LRCH3: variants seen among roughly 807,000 people sequenced by gnomAD.
LRCH3 encodes the protein DISP complex protein LRCH3.
LRCH3 carries 68 observed loss-of-function variants against 104.5 expected under a neutral mutation model. That is an observed-to-expected ratio of 0.65 (90% CI 0.54 to 0.80). The LOEUF (loss-of-function observed/expected upper bound fraction) is 0.80. Among genes scored for constraint, LRCH3 ranks in the 30% least tolerant of loss-of-function variants. LRCH3 has a pLI of 0.00. For synonymous variants in LRCH3, 344 were observed against 361.3 expected (o/e 0.95, Z 0.54); for missense variants, 951 against 953.9 (o/e 1.00, Z 0.04).
At chr3:197,830,344 G>A (rs1337861613) in intron 6 of LRCH3, among the ~76,000 whole-genome samples, 3 of 152,164 alleles carry the variant, frequency 2.0e-5, no homozygotes, top group African/African-American at 7.2e-5. Context: ...AGCCTCCTGA[G>A]TATGGAGCAG....
chr3:197,862,188 A>AT (rs1740963141), intron 15 of LRCH3, among the ~76,000 whole-genome samples: 1 of 151,904 alleles, frequency 6.6e-6, no homozygotes, highest in African/African-American at 2.4e-5. Context: ...TAGAGATGGG[A>AT]TTTTACCGTG....
In LRCH3 at chr3:197,884,785, T is replaced by C. The variant is rs1441798911; in HGVS notation, c.*1119T>C. The C allele has an allele frequency of 6.6e-6, 1 of 151,054 alleles. No homozygotes were observed. The highest frequency in any genetic ancestry group is 2.5e-5 in the African/African-American group (1 of 40,460). The allele number at this position is 151,054 out of a possible 1,614,324, so 9.4% of individuals were successfully genotyped here. On this transcript the variant is annotated 3_prime_UTR_variant, in exon 21 of 21. Coordinates refer to ENST00000425562, the MANE Select transcript of LRCH3 (RefSeq NM_001365715.1). ...AGAAGGCCTAGGTTTTGCATAGTCT[T>C]CTTTTTTTTAAGAGTTGGGGTCTTG...
chr3:197,812,082 C>T (rs1382307462), intron 1 of LRCH3, among the ~76,000 whole-genome samples: 9 of 152,108 alleles, frequency 5.9e-5, no homozygotes, highest in Admixed American at 3.3e-4. Context: ...GTATTAAGTA[C>T]CTTCATACTG....
At chr3:197,844,735 A>G (rs996087445) in intron 10 of LRCH3, among the ~76,000 whole-genome samples, 1 of 151,948 alleles carries the variant, frequency 6.6e-6, no homozygotes, top group Non-Finnish European at 1.5e-5. Context: ...CCCCTGCCTC[A>G]GCCTTCTGAG....
intron 5 of LRCH3, among the ~76,000 whole-genome samples, chr3:197,828,384 T>C (rs914605653): frequency 1.3e-5 from 2 of 151,958 alleles, no homozygotes; most frequent in African/African-American, 4.8e-5. Context: ...CTCGCTCTGT[T>C]GCCCAGGCTG....
intron 1 of LRCH3, among the ~76,000 whole-genome samples, chr3:197,792,577 T>TTTTATATATATA (rs1553912028): frequency 4.9e-5 from 1 of 20,330 alleles, no homozygotes; most frequent in African/African-American, 1.2e-4. Context: ...CCAGCTAATT[T>TTTTATATATATA]TATATATATA....
intron 14 of LRCH3, among the ~76,000 whole-genome samples, chr3:197,857,059 T>C (rs1268560040): frequency 6.6e-6 from 1 of 152,200 alleles, no homozygotes; most frequent in Non-Finnish European, 1.5e-5. Context: ...TGACATTCTC[T>C]TCGGGCTACC....
At chr3:197,858,813 T>G in intron 14 of LRCH3, 21 bp from the exon 15 acceptor site, 1 of 1,604,624 alleles carries the variant, frequency 6.2e-7, no homozygotes, top group Admixed American at 1.7e-5. Context: ...CTGTTTCTTC[T>G]CTTTCTCATT....
intron 1 of LRCH3, among the ~76,000 whole-genome samples, chr3:197,809,239 A>G (rs1248563495): frequency 6.6e-6 from 1 of 151,922 alleles, no homozygotes; most frequent in Non-Finnish European, 1.5e-5. Context: ...TAGAGGTTGC[A>G]GTGAGCCATG....
chr3:197,791,336 G>A lies in LRCH3; in HGVS notation c.58G>A (p.Ala20Thr). 1 of 1,608,904 alleles carries A rather than the reference G, an allele frequency of 6.2e-7. No homozygotes were observed. Residue 20 changes from alanine to threonine, a missense_variant, in exon 1 of 21, where the codon GCG becomes ACG. Transcript: ENST00000425562. ...GGCTGCCGAGTACTCTGGCACGGTAGCGTCGGGAGGTAACCTCCCTGGTGT... is the reference window on the plus strand; with the variant it reads ...GGCTGCCGAGTACTCTGGCACGGTAACGTCGGGAGGTAACCTCCCTGGTGT... Reference protein sequence around the residue: ...AAAAEYSGTVASGGNLPGVHC... With the variant: ...AAAAEYSGTVTSGGNLPGVHC...
intron 8 of LRCH3, 87 bp downstream of exon 8, chr3:197,832,404 TG>T: frequency 7.1e-7 from 1 of 1,398,866 alleles, no homozygotes; most frequent in Non-Finnish European, 9.9e-7. Context: ...CTTTTGTTGG[TG>T]TATCTATAGC....
rs1714255939 is a variant in LRCH3, at chr3:197,887,069, T to TA, written c.*3403_*3404insA. 1 of 152,230 alleles carries TA rather than the reference T, an allele frequency of 6.6e-6. No individual in the cohort carries two copies. The highest frequency in any genetic ancestry group is 6.5e-5 in the Admixed American group (1 of 15,284). The allele number at this position is 152,230 out of a possible 1,614,324, so 9.4% of individuals were successfully genotyped here. On this transcript the variant is annotated 3_prime_UTR_variant, in exon 21 of 21. Transcript: ENST00000425562. ...TGATAATTGAAGGAAAAATATCAAA[T>TA]GCTTTGAATTTTTTTTCTCTTTTTT...
rs1740233954 is a variant in LRCH3 at position 197,856,252 on chromosome 3, TTAAA to T, written c.1644+1812_1644+1815del. On this transcript the variant is annotated intron_variant, in intron 14 of 20. Coordinates refer to ENST00000425562, the MANE Select transcript of LRCH3 (RefSeq NM_001365715.1). This position sits in a 1 kb window ranked among gnomAD's most constrained non-coding sequence, Gnocchi z 4.2. ...CTTAAATCAGCCCACAGTTTGACAG[TTAAA>T]TAAACTGACAGGAGCTCCAGTGCGT... Among the ~76,000 whole-genome samples the T allele has an allele frequency of 6.6e-6, 1 of 152,200 alleles. No individual in the cohort carries two copies. The highest frequency in any genetic ancestry group is 1.5e-5 in the Non-Finnish European group (1 of 68,020).
At chr3:197,823,724 T>C (rs1734768297) in intron 4 of LRCH3, among the ~76,000 whole-genome samples, 1 of 151,904 alleles carries the variant, frequency 6.6e-6, no homozygotes, top group African/African-American at 2.4e-5. Flanking sequence ...ACTCAAGCAA[T>C]CCACCCACCT....
At chr3:197,853,930 T>G (rs1195435510) in intron 13 of LRCH3, among the ~76,000 whole-genome samples, 1 of 152,220 alleles carries the variant, frequency 6.6e-6, no homozygotes, top group Non-Finnish European at 1.5e-5. Context: ...AAGTAATTCA[T>G]TCTCAAGAAA....
intron 12 of LRCH3, among the ~76,000 whole-genome samples, chr3:197,851,923 A>C (rs1416031745): frequency 1.3e-5 from 2 of 152,202 alleles, no homozygotes; most frequent in Non-Finnish European, 2.9e-5. Context: ...GGCAGGCCCA[A>C]ACCAGTTATG....
Position 197,887,065 on chromosome 3 carries a change from C to G in LRCH3, c.*3399C>G, listed in dbSNP as rs1714255776. 1 of 152,046 alleles carries G rather than the reference C, an allele frequency of 6.6e-6. No homozygotes were observed. Among genetic ancestry groups the G allele is most frequent in the African/African-American group, 2.4e-5 (1 of 41,402 alleles). 9.4% of individuals were successfully genotyped at this position (152,046 alleles called of 1,614,324 possible). ...TGGCTGATAATTGAAGGAAAAATAT[C>G]AAATGCTTTGAATTTTTTTTCTCTT... On this transcript the variant is annotated 3_prime_UTR_variant, in exon 21 of 21. Coordinates refer to ENST00000425562, the MANE Select transcript of LRCH3 (RefSeq NM_001365715.1).
intron 12 of LRCH3, among the ~76,000 whole-genome samples, chr3:197,849,001 C>A (rs149978289): frequency 6.6e-6 from 1 of 152,150 alleles, no homozygotes; most frequent in Non-Finnish European, 1.5e-5. Context: ...TGGTGGCTCA[C>A]GCCTGTAGTC....
At chr3:197,859,299 A>G (rs1161157338) in intron 15 of LRCH3, 1 of 199,128 alleles carries the variant, frequency 5.0e-6, no homozygotes, top group African/African-American at 2.4e-5. Flanking sequence ...GGGTCAACCA[A>G]CTATGGCCCC....
Sources: gnomAD v4.1 joint callset for allele counts (sites outside exome capture counted in the v4.1 genomes callset) on GRCh38, gnomAD v4.1.1 for gene constraint, Gnocchi (gnomAD v3.1) non-coding constraint, MANE v1.5 for transcripts, NCBI Gene and HGNC (gene_info 2026-07-23, HGNC 2026-07-21) for gene names.